TMCC1: variants seen among roughly 807,000 people sequenced by gnomAD.
TMCC1 encodes transmembrane and coiled-coil domains protein 1.
Under a neutral mutation model 52.4 loss-of-function variants are expected in TMCC1, and 15 were observed. That is an observed-to-expected ratio of 0.29 (90% confidence interval 0.19 to 0.44). The LOEUF is 0.44. TMCC1 is among the 20% of genes least tolerant of loss of function. The pLI, the probability that TMCC1 is intolerant of heterozygous loss-of-function variation, is 1.00. For missense variants in TMCC1, 503 were observed against 806.0 expected, an observed-to-expected ratio of 0.62 and a Z score of 4.55; for synonymous variants, 279 against 301.9, an observed-to-expected ratio of 0.92 and a Z score of 0.79.
At chr3:129,793,678 C>G (rs948029983) in intron 4 of TMCC1, among the ~76,000 whole-genome samples, 5 of 152,142 alleles carry the variant, frequency 3.3e-5, no homozygotes. Context: ...CTCTTAAATG[C>G]GTGCTTCACC....
At chr3:129,728,347 G>A (rs2050272296) in intron 4 of TMCC1, among the ~76,000 whole-genome samples, 2 of 152,110 alleles carry the variant, frequency 1.3e-5, no homozygotes, top group African/African-American at 4.8e-5. Flanking sequence ...GTGCAATGGT[G>A]CGATCTTGAC....
At chr3:129,716,696 G>C (rs2049137504) in intron 4 of TMCC1, among the ~76,000 whole-genome samples, 1 of 151,934 alleles carries the variant, frequency 6.6e-6, no homozygotes, top group Non-Finnish European at 1.5e-5. Flanking sequence ...GCCAGTGATT[G>C]CCACCTCAAC....
intron 2 of TMCC1, among the ~76,000 whole-genome samples, chr3:129,863,994 T>C (rs1437578637): frequency 6.6e-6 from 1 of 152,244 alleles, no homozygotes; most frequent in South Asian, 2.1e-4. Context: ...CTAGAACTAG[T>C]TGTGAAATAA....
At chr3:129,662,248 C>T (rs75331563) in intron 5 of TMCC1, among the ~76,000 whole-genome samples, 12,922 of 152,140 alleles carry the variant, frequency 0.085, 686 homozygotes, top group East Asian at 0.17. Flanking sequence ...GATGGGGACA[C>T]ATCTTGAGAA....
chr3:129,719,896 T>C (rs1322381535), intron 4 of TMCC1, among the ~76,000 whole-genome samples: 1 of 152,136 alleles, frequency 6.6e-6, no homozygotes, highest in African/African-American at 2.4e-5. Flanking sequence ...AGGTGGCTTC[T>C]GGCCAGGCAC....
chr3:129,866,288 T>C (rs1051023127), intron 2 of TMCC1, among the ~76,000 whole-genome samples: 2 of 145,162 alleles, frequency 1.4e-5, no homozygotes, highest in African/African-American at 5.0e-5. Flanking sequence ...TATACATATA[T>C]ACATAATATA....
At chr3:129,841,833 G>C (rs2059434428) in intron 2 of TMCC1, among the ~76,000 whole-genome samples, 1 of 152,126 alleles carries the variant, frequency 6.6e-6, no homozygotes, top group African/African-American at 2.4e-5. Flanking sequence ...CCCCACTCCT[G>C]CCACCATGTA....
At chr3:129,653,278 G>A (rs1283140127) in intron 6 of TMCC1, among the ~76,000 whole-genome samples, 2 of 152,148 alleles carry the variant, frequency 1.3e-5, no homozygotes, top group African/African-American at 2.4e-5. Flanking sequence ...CTTTGAACAT[G>A]CTTCCTTATA....
At chr3:129,793,885 C>T (rs1425083634) in intron 4 of TMCC1, among the ~76,000 whole-genome samples, 1 of 152,136 alleles carries the variant, frequency 6.6e-6, no homozygotes, top group Non-Finnish European at 1.5e-5. Context: ...GCCAGTCTTG[C>T]TCATTAAACT....
intron 4 of TMCC1, among the ~76,000 whole-genome samples, chr3:129,740,023 T>C (rs919683126): frequency 6.6e-6 from 1 of 152,252 alleles, no homozygotes; most frequent in Admixed American, 6.5e-5. Flanking sequence ...TCAAATAATG[T>C]TTCTCAACTC....
At chr3:129,686,505 T>C (rs953917222) in intron 4 of TMCC1, among the ~76,000 whole-genome samples, 5 of 152,206 alleles carry the variant, frequency 3.3e-5, no homozygotes, top group Non-Finnish European at 4.4e-5. Flanking sequence ...CTCACCATAG[T>C]GCATTTGCAA....
At chr3:129,845,904 T>C (rs992090461) in intron 2 of TMCC1, among the ~76,000 whole-genome samples, 3 of 152,146 alleles carry the variant, frequency 2.0e-5, no homozygotes, top group Non-Finnish European at 4.4e-5. Flanking sequence ...TGTGGTGGCA[T>C]GCACCTGTGG....
At chr3:129,688,732 A>C (rs2089597680) in intron 4 of TMCC1, 1 of 985,456 alleles carries the variant, frequency 1.0e-6, no homozygotes, top group Non-Finnish European at 1.2e-6. Context: ...GCTAATGCAA[A>C]TGAATAGTTT....
intron 4 of TMCC1, among the ~76,000 whole-genome samples, chr3:129,763,775 A>G (rs1431999107): frequency 6.6e-6 from 1 of 151,634 alleles, no homozygotes; most frequent in Non-Finnish European, 1.5e-5. Context: ...GTAGTGAGCT[A>G]AGATAGTGTC....
At chr3:129,870,036 T>C (rs746705396) in intron 2 of TMCC1, among the ~76,000 whole-genome samples, 7 of 152,216 alleles carry the variant, frequency 4.6e-5, no homozygotes, top group Non-Finnish European at 8.8e-5. Flanking sequence ...CTTTTTATCA[T>C]GTAGTGTAAA....
In TMCC1 at chr3:129,828,155, G is replaced by A; in HGVS notation, c.224C>T (p.Ala75Val). ...VSPHDVQQIQ[A>V]DPEPEMDLES... Reference sequence around the variant, plus strand: ...CAGATCCATTTCAGGTTCTGGATCTGCCTGAATTTGCTGCACATCATGTGG... The same window carrying A: ...CAGATCCATTTCAGGTTCTGGATCTACCTGAATTTGCTGCACATCATGTGG... The change falls in exon 4 of 7, where the codon GCA becomes GTA. Residue 75 changes from alanine to valine, a missense_variant. Ala to Val is a moderately conservative substitution (Grantham distance 64). Around this residue, in one of 7 missense-constraint regions of TMCC1, gnomAD observed 217 missense variants for 297.9 expected, o/e 0.73. Transcript: ENST00000393238. This position sits in a 1 kb window ranked among gnomAD's most constrained non-coding sequence, Gnocchi z 4.1. 6.2e-7 allele frequency: 1 copy of A among 1,614,142 alleles called. No individual in the cohort carries two copies.
At chr3:129,663,290 T>C (rs1377390972) in intron 5 of TMCC1, among the ~76,000 whole-genome samples, 2 of 152,168 alleles carry the variant, frequency 1.3e-5, no homozygotes, top group Non-Finnish European at 2.9e-5. Context: ...TAGCACAGGA[T>C]AGCTGAAGAA....
intron 4 of TMCC1, among the ~76,000 whole-genome samples, chr3:129,690,811 T>C (rs1259313364): frequency 6.6e-6 from 1 of 152,242 alleles, no homozygotes; most frequent in Non-Finnish European, 1.5e-5. Flanking sequence ...AATCATTATA[T>C]AAAAGTAATG....
chr3:129,753,628 A>C (rs368689234), intron 4 of TMCC1, among the ~76,000 whole-genome samples: 39 of 152,358 alleles, frequency 2.6e-4, no homozygotes, highest in South Asian at 2.5e-3. Flanking sequence ...GATGCAGAGA[A>C]AGTTTTTACT....
Sources: gnomAD v4.1 joint callset for allele counts (sites outside exome capture counted in the v4.1 genomes callset) on GRCh38, gnomAD v4.1.1 for gene constraint, gnomAD v4.1.1 regional missense constraint, Gnocchi (gnomAD v3.1) non-coding constraint, MANE v1.5 for transcripts, NCBI Gene and HGNC (gene_info 2026-07-23, HGNC 2026-07-21) for gene names.